ACTN1: variants seen among roughly 807,000 people sequenced by gnomAD.
The protein encoded by ACTN1 is actinin alpha 1, also known as alpha-actinin-1.
Under a neutral mutation model 119.6 loss-of-function variants are expected in ACTN1, and 30 were observed. The observed-to-expected ratio is 0.25, with a 90% CI of 0.19 to 0.34. ACTN1 has a LOEUF of 0.34. Among genes scored for constraint, ACTN1 ranks in the 10% least tolerant of loss-of-function variants. The pLI is 1.00. For synonymous variants in ACTN1, 429 were observed against 472.6 expected, an observed-to-expected ratio of 0.91 and a Z score of 1.20; for missense variants, 764 against 1,223.4, an observed-to-expected ratio of 0.62 and a Z score of 5.60.
intron 8 of ACTN1, among the ~76,000 whole-genome samples, chr14:68,898,298 G>A (rs2033023038): frequency 6.6e-6 from 1 of 152,208 alleles, no homozygotes; most frequent in African/African-American, 2.4e-5. Flanking sequence ...GGAGGGGAGA[G>A]GGAAGCAGAG....
chr14:68,920,996 T>G lies in ACTN1; in HGVS notation c.340+10A>C. On this transcript the variant is annotated intron_variant, in intron 3 of 21. Coordinates refer to ENST00000394419, the MANE Select transcript of ACTN1 (RefSeq NM_001130004.2). ...TCAGGCTCCTTGGGGCCACCAGAGGTAGGCCTTACCTTCGGCTCCGATGGA... is the reference window on the plus strand; with the variant it reads ...TCAGGCTCCTTGGGGCCACCAGAGGGAGGCCTTACCTTCGGCTCCGATGGA... 1 of 1,613,760 alleles carries G rather than the reference T, an allele frequency of 6.2e-7. No homozygotes were observed. The highest frequency in any genetic ancestry group is 8.5e-7 in the Non-Finnish European group (1 of 1,179,830).
At chr14:68,961,273 G>A (rs1319718181) in intron 1 of ACTN1, among the ~76,000 whole-genome samples, 2 of 151,980 alleles carry the variant, frequency 1.3e-5, no homozygotes, top group Admixed American at 6.6e-5. Context: ...ATGCCAAGTG[G>A]GGAAATAAAA....
chr14:68,950,564 AC>A (rs2036126408), intron 1 of ACTN1, among the ~76,000 whole-genome samples: 1 of 149,392 alleles, frequency 6.7e-6, no homozygotes, highest in Non-Finnish European at 1.5e-5. Context: ...AGCATGTCAA[AC>A]TTTTTTTTTT....
chr14:68,899,429 A>C (rs2033149874), intron 8 of ACTN1, among the ~76,000 whole-genome samples: 1 of 129,622 alleles, frequency 7.7e-6, no homozygotes, highest in Admixed American at 7.5e-5. Context: ...CACATTCCCC[A>C]CACCCCCCAG....
At chr14:68,899,575 T>C (rs59382480) in intron 8 of ACTN1, among the ~76,000 whole-genome samples, 22,044 of 150,928 alleles carry the variant, frequency 0.15, 1,824 homozygotes, top group African/African-American at 0.21. Flanking sequence ...CCACACACCA[T>C]ACATACCTCA....
intron 1 of ACTN1, among the ~76,000 whole-genome samples, chr14:68,960,981 G>A (rs1026410350): frequency 1.3e-5 from 2 of 152,086 alleles, no homozygotes; most frequent in Non-Finnish European, 2.9e-5. Context: ...TAGGTGGGAG[G>A]ATCCCTTGAG....
At position 68,882,518 on chromosome 14, in the gene ACTN1, T is replaced by C. The variant is rs1348861287; in HGVS notation, c.1893A>G (p.Leu631=). Residue 631 remains leucine, a synonymous_variant, in exon 16 of 22, where the codon CTA becomes CTG. Coordinates refer to ENST00000394419, the MANE Select transcript of ACTN1 (RefSeq NM_001130004.2). The surrounding 1 kb of genome is among the most constrained non-coding windows in gnomAD (Gnocchi z 4.5). ...EHARQQHNER[L]RKQFGAQANV... is the part of the protein sequence containing the mutation. ...TGGCCTGGGCTCCAAACTGCTTGCG[T>C]AGCCTCTCATTGTGCTGCTGTCGGG... is the stretch of plus-strand genomic sequence containing the variant. The C allele has an allele frequency of 6.2e-7, 1 of 1,614,230 alleles. No individual in the cohort carries two copies. Among genetic ancestry groups the C allele is most frequent in the Admixed American group, 1.7e-5 (1 of 60,030 alleles).
Position 68,880,110 on chromosome 14 carries a change from T to C in ACTN1, c.2134-2A>G. 6.2e-7 allele frequency: 1 copy of C among 1,613,488 alleles called. No individual in the cohort carries two copies. ...CTGCTCCCAGCCCACACGGATGTGC[T>C]GCAGGACGGCAAGGGGCCTGTCAGC... On this transcript the variant is annotated splice_acceptor_variant, in intron 17 of 21. Transcript: ENST00000394419. LOFTEE classifies it high-confidence loss of function. This position sits in a 1 kb window ranked among gnomAD's most constrained non-coding sequence, Gnocchi z 4.6.
intron 4 of ACTN1, among the ~76,000 whole-genome samples, chr14:68,910,645 A>G (rs2033950748): frequency 6.8e-6 from 1 of 146,782 alleles, no homozygotes; most frequent in Admixed American, 6.7e-5. Context: ...AAAGACTGCA[A>G]ACCACACTAC....
chr14:68,912,576 G>A (rs12589292), intron 3 of ACTN1, among the ~76,000 whole-genome samples: 26,984 of 151,898 alleles, frequency 0.18, 3,241 homozygotes, highest in East Asian at 0.63. Flanking sequence ...AGGGTCTTAC[G>A]ATATTGCCCA....
rs73284984 is a variant in ACTN1 at position 68,904,659 on chromosome 14, G to A, written c.672C>T (p.Ala224=). 1.4e-3 allele frequency: 2,328 copies of A among 1,613,950 alleles called. 31 individuals carry two copies. In the African/African-American group the frequency reaches 0.027, roughly 18 times the overall value. Residue 224 remains alanine, a synonymous_variant, in exon 7 of 22, where the codon GCC becomes GCT. Transcript: ENST00000394419. Reference sequence around the variant, plus strand: ...CAGAAGGAAAGCGCCTTTCACCTTCGGCATCCAGCATCTTGGGGATGTCCA... The same window carrying A: ...CAGAAGGAAAGCGCCTTTCACCTTCAGCATCCAGCATCTTGGGGATGTCCA... ...KYLDIPKMLD[A]EDIVGTARPD...
In ACTN1 at chr14:68,978,949, A is replaced by C. The variant is rs1594895628; in HGVS notation, c.105+3T>G. The C allele has an allele frequency of 6.5e-7, 1 of 1,539,132 alleles. No individual in the cohort carries two copies. The highest frequency in any genetic ancestry group is 8.9e-7 in the Non-Finnish European group (1 of 1,127,142). On this transcript the variant is annotated splice_donor_region_variant and intron_variant, in intron 1 of 21. Coordinates refer to ENST00000394419, the MANE Select transcript of ACTN1 (RefSeq NM_001130004.2). The stretch of plus-strand genomic sequence containing the variant: ...GCTGCAGCGGGCGGGGGCGGCTGCT[A>C]ACCTTTCTCTGCTGCTTCTCCCAGG...
chr14:68,900,492 GGAGA>G (rs138645453), intron 8 of ACTN1, among the ~76,000 whole-genome samples: 1 of 151,252 alleles, frequency 6.6e-6, no homozygotes, highest in Non-Finnish European at 1.5e-5. Context: ...CAGGAAGGAG[GGAGA>G]GAGAGAGAGG....
rs1315406673 is a variant in ACTN1 at position 68,882,039 on chromosome 14, G to A, written c.1953+419C>T. Among the ~76,000 whole-genome samples the A allele has an allele frequency of 6.8e-6, 1 of 147,494 alleles. No homozygotes were observed. Among genetic ancestry groups the A allele is most frequent in the Admixed American group, 7.1e-5 (1 of 14,128 alleles). ...CAATCTCCGTCTCCCGGGTTCAAGC[G>A]ATTCTCCTGCCTCAGGCTCCCAAGT... On this transcript the variant is annotated intron_variant, in intron 16 of 21. Transcript: ENST00000394419. This position sits in a 1 kb window ranked among gnomAD's most constrained non-coding sequence, Gnocchi z 4.5.
intron 1 of ACTN1, among the ~76,000 whole-genome samples, chr14:68,932,196 G>T (rs2035252190): frequency 6.6e-6 from 1 of 151,864 alleles, no homozygotes; most frequent in Admixed American, 6.6e-5. Context: ...CCCTCAATCT[G>T]GGTGGGCACC....
rs181464 is a variant in ACTN1, at chr14:68,882,337, T to A, written c.1953+121A>T. ...CTTCTACAGAACAGCAGACCCACGGTGGGCTCCGGGCCTCAGTCCTCCATG... is the reference window on the plus strand; with the variant it reads ...CTTCTACAGAACAGCAGACCCACGGAGGGCTCCGGGCCTCAGTCCTCCATG... On this transcript the variant is annotated intron_variant, in intron 16 of 21. Transcript: ENST00000394419. The surrounding 1 kb of genome is among the most constrained non-coding windows in gnomAD (Gnocchi z 4.5). 2 of 1,369,584 alleles carry A rather than the reference T, an allele frequency of 1.5e-6. No homozygotes were observed. Among genetic ancestry groups the A allele is most frequent in the Admixed American group, 4.4e-5 (2 of 45,862 alleles). 84.8% of individuals were successfully genotyped at this position (1,369,584 alleles called of 1,614,324 possible). A position where few individuals can be genotyped will look rare whatever the true frequency, so the allele number is the denominator to read the frequency against.
At chr14:68,912,390 G>A in intron 3 of ACTN1, 148 bp from the exon 4 acceptor site, 2 of 680,764 alleles carry the variant, frequency 2.9e-6, no homozygotes, top group Middle Eastern at 2.8e-4. Flanking sequence ...ATTTTTGCTT[G>A]TTTTTGAGAC....
chr14:68,951,280 A>T (rs1161959753), intron 1 of ACTN1, among the ~76,000 whole-genome samples: 1 of 152,130 alleles, frequency 6.6e-6, no homozygotes, highest in Non-Finnish European at 1.5e-5. Context: ...CAAGGGAATG[A>T]CTTGGCCCAA....
intron 3 of ACTN1, among the ~76,000 whole-genome samples, chr14:68,917,568 C>T (rs1033298421): frequency 1.3e-5 from 2 of 152,176 alleles, no homozygotes; most frequent in Non-Finnish European, 2.9e-5. Flanking sequence ...ATTTTATAAT[C>T]GACATCAATA....
Sources: allele counts gnomAD v4.1 joint callset (sites outside exome capture counted in the v4.1 genomes callset), GRCh38; gene constraint gnomAD v4.1.1; non-coding constraint Gnocchi (gnomAD v3.1); transcripts MANE v1.5; gene names NCBI Gene and HGNC (gene_info 2026-07-23, HGNC 2026-07-21).